The following PARP12 variants were observed in gnomAD, a reference collection of about 807,000 sequenced individuals.
PARP12 encodes the protein protein mono-ADP-ribosyltransferase PARP12.
PARP12 carries 59 observed loss-of-function variants against 72.4 expected under a neutral mutation model. That is an observed-to-expected ratio of 0.81 (90% CI 0.66 to 1.01). PARP12 has a LOEUF of 1.01. Ranked by LOEUF, PARP12 falls within the 50% of genes least tolerant of loss-of-function variation. The probability of loss-of-function intolerance (pLI) is 0.00; values close to 1 mark genes in which losing one functional copy is unlikely to be tolerated. For missense variants in PARP12, 851 were observed against 914.0 expected, an observed-to-expected ratio of 0.93 and a Z score of 0.89; for synonymous variants, 403 against 371.4, an observed-to-expected ratio of 1.09 and a Z score of -0.98.
At chr7:140,040,221 C>G (rs929097500) in intron 6 of PARP12, among the ~76,000 whole-genome samples, 6 of 152,234 alleles carry the variant, frequency 3.9e-5, no homozygotes, top group Non-Finnish European at 7.3e-5. Context: ...TCCTCTCCCC[C>G]TCCTCCATGT....
At chr7:140,026,112 G>C in intron 11 of PARP12, 85 bp downstream of exon 11, 1 of 1,596,972 alleles carries the variant, frequency 6.3e-7, no homozygotes, top group African/African-American at 1.3e-5. Flanking sequence ...AGCTCAGGCT[G>C]GTCCCCTCAT....
chr7:140,043,055 G>A (rs1816558549), intron 5 of PARP12, among the ~76,000 whole-genome samples: 2 of 152,092 alleles, frequency 1.3e-5, no homozygotes, highest in Admixed American at 6.5e-5. Context: ...CTAGCCGGGA[G>A]TGGTGGCGGG....
chr7:140,035,194 C>G (rs537701246), intron 7 of PARP12, among the ~76,000 whole-genome samples: 3 of 152,304 alleles, frequency 2.0e-5, no homozygotes, highest in African/African-American at 7.2e-5. Context: ...TAGGTTGCAG[C>G]TGAGATGGTC....
Position 140,024,687 on chromosome 7 carries a change from A to T in PARP12, c.1979T>A (p.Ile660Asn). 1.9e-6 allele frequency: 3 copies of T among 1,614,142 alleles called. No homozygotes were observed. Among genetic ancestry groups the T allele is most frequent in the Non-Finnish European group, 2.5e-6 (3 of 1,180,034 alleles). ...CTGGTGTTTCTCAAAGATCACAAAG[A>T]TGGAGGGGTCGGACACACTGTTCAC... The part of the protein sequence containing the change: ...SCVNSVSDPS[I>N]FVIFEKHQVY... The change falls in exon 12 of 12, where the codon ATC (isoleucine) becomes AAC (asparagine). Residue 660 changes from isoleucine to asparagine, a missense_variant. Around this residue, in one of 3 missense-constraint regions of PARP12, gnomAD observed 347 missense variants for 396.1 expected, o/e 0.88. Coordinates refer to ENST00000263549, the MANE Select transcript of PARP12 (RefSeq NM_022750.4).
At chr7:140,037,464 G>A (rs1816254024) in intron 7 of PARP12, among the ~76,000 whole-genome samples, 1 of 152,232 alleles carries the variant, frequency 6.6e-6, no homozygotes. Context: ...TGCTGACCCT[G>A]CTTGTCCTCC....
intron 6 of PARP12, among the ~76,000 whole-genome samples, chr7:140,039,673 A>C (rs1816374596): frequency 6.6e-6 from 1 of 152,176 alleles, no homozygotes; most frequent in African/African-American, 2.4e-5. Flanking sequence ...GAATCAAGAG[A>C]AAACTGTTTT....
chr7:140,040,519 C>A (rs552161532), intron 6 of PARP12, among the ~76,000 whole-genome samples: 8 of 152,322 alleles, frequency 5.3e-5, no homozygotes, highest in African/African-American at 1.9e-4. Flanking sequence ...CTTCCATCAG[C>A]CAATGTCTAT....
At chr7:140,057,450 C>T in intron 2 of PARP12, 1 of 453,194 alleles carries the variant, frequency 2.2e-6, no homozygotes, top group East Asian at 3.9e-5. Flanking sequence ...AATCAAATGG[C>T]TACATCCTAA....
At chr7:140,034,358 A>AATATAC (rs746152764) in intron 7 of PARP12, 27 bp from the exon 8 acceptor site, 32 of 1,557,072 alleles carry the variant, frequency 2.1e-5, no homozygotes, top group African/African-American at 5.4e-5. Context: ...CCAGTGAAAA[A>AATATAC]ATATACATAT....
chr7:140,032,008 C>A (rs767059381), intron 8 of PARP12, among the ~76,000 whole-genome samples: 2 of 152,050 alleles, frequency 1.3e-5, no homozygotes, highest in Non-Finnish European at 2.9e-5. Flanking sequence ...CGAGGGCCAA[C>A]CTCCCTAATA....
At chr7:140,050,547 C>T (rs955489338) in intron 4 of PARP12, among the ~76,000 whole-genome samples, 3 of 152,140 alleles carry the variant, frequency 2.0e-5, no homozygotes, top group East Asian at 1.9e-4. Flanking sequence ...AACAGGTATA[C>T]GGGATTCTCA....
At chr7:140,044,756 A>G (rs933388497) in intron 5 of PARP12, among the ~76,000 whole-genome samples, 25 of 152,222 alleles carry the variant, frequency 1.6e-4, no homozygotes, top group African/African-American at 6.0e-4. Flanking sequence ...ATACCCAGTA[A>G]AACTATCTTT....
chr7:140,054,833 A>T, intron 3 of PARP12, 70 bp from the exon 4 acceptor site: 7 of 1,350,838 alleles, frequency 5.2e-6, no homozygotes, highest in Non-Finnish European at 7.4e-6. Flanking sequence ...AAGAGGATTC[A>T]TTCAGTTCTC....
chr7:140,055,321 G>C (rs1817136066), intron 3 of PARP12, among the ~76,000 whole-genome samples: 1 of 152,128 alleles, frequency 6.6e-6, no homozygotes, highest in Admixed American at 6.5e-5. Context: ...GTAATAAAAA[G>C]AAAGTCCACA....
intron 1 of PARP12, among the ~76,000 whole-genome samples, chr7:140,061,990 G>A (rs977884134): frequency 3.3e-5 from 5 of 150,602 alleles, no homozygotes; most frequent in Non-Finnish European, 4.4e-5. Flanking sequence ...GCCCGGGGGG[G>A]GGGGGGTGTT....
intron 6 of PARP12, among the ~76,000 whole-genome samples, chr7:140,040,786 T>C (rs10272182): frequency 1 from 151,933 of 152,322 alleles, 75,773 homozygotes; most frequent in Middle Eastern, 1. Flanking sequence ...GTACTTGAGA[T>C]GGAATCTCGC....
At chr7:140,029,841 A>G (rs750920994) in intron 8 of PARP12, among the ~76,000 whole-genome samples, 1 of 152,206 alleles carries the variant, frequency 6.6e-6, no homozygotes, top group Non-Finnish European at 1.5e-5. Context: ...GTGAAATGAA[A>G]TTGTCCAGAA....
At chr7:140,039,967 A>C (rs1409678812) in intron 6 of PARP12, among the ~76,000 whole-genome samples, 2 of 152,204 alleles carry the variant, frequency 1.3e-5, no homozygotes, top group East Asian at 1.9e-4. Context: ...GTGTTGGCTG[A>C]CTGGAGGAGA....
At chr7:140,031,945 T>C (rs1252465599) in intron 8 of PARP12, among the ~76,000 whole-genome samples, 3 of 152,064 alleles carry the variant, frequency 2.0e-5, no homozygotes, top group African/African-American at 7.2e-5. Flanking sequence ...ACAGGCAAAG[T>C]CAAAAGGCAA....
Sources: gnomAD v4.1 joint callset for allele counts (sites outside exome capture counted in the v4.1 genomes callset) on GRCh38, gnomAD v4.1.1 for gene constraint, gnomAD v4.1.1 regional missense constraint, MANE v1.5 for transcripts, NCBI Gene and HGNC (gene_info 2026-07-23, HGNC 2026-07-21) for gene names.